The following PTPRD variants were observed in gnomAD, a reference collection of about 807,000 sequenced individuals.
The protein encoded by PTPRD is protein tyrosine phosphatase receptor type D.
PTPRD carries 34 observed loss-of-function variants against 214.5 expected under a neutral mutation model. The observed-to-expected ratio is 0.16, with a 90% CI of 0.12 to 0.21. The LOEUF (loss-of-function observed/expected upper bound fraction) is 0.21. Among genes scored for constraint, PTPRD ranks in the 10% least tolerant of loss-of-function variants. The pLI is 1.00. For missense variants in PTPRD, 2,545 were observed against 2,398.7 expected, an observed-to-expected ratio of 1.06 and a Z score of -1.27; for synonymous variants, 1,128 against 845.7, an observed-to-expected ratio of 1.33 and a Z score of -5.79.
chr9:8,433,542 A>G (rs1325617373), intron 35 of PTPRD, among the ~76,000 whole-genome samples: 1 of 152,218 alleles, frequency 6.6e-6, no homozygotes, highest in East Asian at 1.9e-4. Context: ...AAGGCAGAAG[A>G]CAGTGATATT....
chr9:8,922,723 C>G (rs71507666), intron 11 of PTPRD, among the ~76,000 whole-genome samples: 68 of 152,048 alleles, frequency 4.5e-4, no homozygotes, highest in Admixed American at 1.5e-3. Context: ...CTCAGCTCAC[C>G]GCAACATCCG....
intron 2 of PTPRD, among the ~76,000 whole-genome samples, chr9:10,589,250 T>C (rs1246569089): frequency 6.6e-6 from 1 of 152,034 alleles, no homozygotes; most frequent in Non-Finnish European, 1.5e-5. Flanking sequence ...GAAACCTTGT[T>C]ATCAAGAGCA....
intron 8 of PTPRD, among the ~76,000 whole-genome samples, chr9:9,542,844 C>T (rs2077919461): frequency 6.6e-6 from 1 of 151,626 alleles, no homozygotes; most frequent in African/African-American, 2.4e-5. Flanking sequence ...GGAACTCTTA[C>T]AAAATTCTAA....
intron 5 of PTPRD, among the ~76,000 whole-genome samples, chr9:9,878,258 T>C (rs2067503271): frequency 6.6e-6 from 1 of 152,162 alleles, no homozygotes; most frequent in African/African-American, 2.4e-5. Context: ...AATATATATG[T>C]CATGTACTAG....
At chr9:10,188,623 C>T (rs2099348558) in intron 3 of PTPRD, among the ~76,000 whole-genome samples, 1 of 150,712 alleles carries the variant, frequency 6.6e-6, no homozygotes, top group Admixed American at 6.6e-5. Context: ...CTAGGAATGG[C>T]AAGATATTTT....
chr9:8,491,773 T>C (rs2097156051), intron 27 of PTPRD, among the ~76,000 whole-genome samples: 1 of 152,012 alleles, frequency 6.6e-6, no homozygotes, highest in African/African-American at 2.4e-5. Flanking sequence ...GCAAATCTTA[T>C]GACATTTAGA....
At chr9:9,279,469 C>G (rs941757324) in intron 9 of PTPRD, among the ~76,000 whole-genome samples, 10 of 149,872 alleles carry the variant, frequency 6.7e-5, no homozygotes, top group African/African-American at 2.4e-4. Flanking sequence ...TCCTTCTTTT[C>G]CCTTTCTTAA....
At chr9:9,899,972 A>G (rs1160920280) in intron 5 of PTPRD, among the ~76,000 whole-genome samples, 2 of 152,080 alleles carry the variant, frequency 1.3e-5, no homozygotes, top group African/African-American at 4.8e-5. Context: ...TGAAAAAAGT[A>G]GAAGTAATAG....
At chr9:9,028,276 G>A (rs886919869) in intron 10 of PTPRD, among the ~76,000 whole-genome samples, 62 of 151,824 alleles carry the variant, frequency 4.1e-4, no homozygotes, top group East Asian at 3.7e-3. Context: ...TATGTCTTCC[G>A]TAATACTATT....
chr9:10,066,161 G>T (rs1160087214), intron 3 of PTPRD, among the ~76,000 whole-genome samples: 3 of 151,402 alleles, frequency 2.0e-5, no homozygotes, highest in African/African-American at 7.3e-5. Flanking sequence ...TTATTTTTAA[G>T]GCAACAATTT....
chr9:9,259,542 T>C (rs904858458), intron 9 of PTPRD, among the ~76,000 whole-genome samples: 1 of 151,894 alleles, frequency 6.6e-6, no homozygotes, highest in Non-Finnish European at 1.5e-5. Flanking sequence ...CTGAAATAGA[T>C]GATGCTTTAT....
intron 3 of PTPRD, among the ~76,000 whole-genome samples, chr9:10,086,731 T>A (rs1336258017): frequency 2.0e-5 from 3 of 151,792 alleles, no homozygotes; most frequent in African/African-American, 7.3e-5. Flanking sequence ...TATATCTTGT[T>A]TAAGATAAAT....
At chr9:8,523,820 C>T (rs180847939) in intron 18 of PTPRD, among the ~76,000 whole-genome samples, 8 of 152,156 alleles carry the variant, frequency 5.3e-5, no homozygotes, top group East Asian at 3.9e-4. Flanking sequence ...AAGGGACTTT[C>T]GAAGAATTTA....
At chr9:8,850,310 G>T (rs1436289975) in intron 11 of PTPRD, among the ~76,000 whole-genome samples, 1 of 152,072 alleles carries the variant, frequency 6.6e-6, no homozygotes, top group Non-Finnish European at 1.5e-5. Context: ...CATATGGCAG[G>T]AGACAGTACA....
intron 6 of PTPRD, among the ~76,000 whole-genome samples, chr9:9,764,456 A>C (rs934537042): frequency 6.6e-6 from 1 of 152,192 alleles, no homozygotes; most frequent in Admixed American, 6.5e-5. Flanking sequence ...TGCCCACCTA[A>C]AAAGATAAAG....
chr9:10,243,149 G>A (rs994892940), intron 3 of PTPRD, among the ~76,000 whole-genome samples: 2 of 151,902 alleles, frequency 1.3e-5, no homozygotes, highest in Admixed American at 1.3e-4. Flanking sequence ...ATTCACTCTT[G>A]AGGAGGGAGT....
intron 8 of PTPRD, among the ~76,000 whole-genome samples, chr9:9,519,100 A>T (rs1030569641): frequency 2.6e-5 from 4 of 152,038 alleles, no homozygotes; most frequent in African/African-American, 9.6e-5. Flanking sequence ...ACTTCTATAT[A>T]ACCCATAACT....
chr9:9,731,593 A>G (rs1267612170), intron 7 of PTPRD, among the ~76,000 whole-genome samples: 1 of 152,062 alleles, frequency 6.6e-6, no homozygotes, highest in Non-Finnish European at 1.5e-5. Context: ...ATATCTCCTA[A>G]TGCTATCCTT....
chr9:9,358,966 C>G (rs1453676964), intron 9 of PTPRD, among the ~76,000 whole-genome samples: 2 of 151,306 alleles, frequency 1.3e-5, no homozygotes, highest in African/African-American at 2.4e-5. Flanking sequence ...AAAACAATTT[C>G]AGGATAAAAA....
Sources: allele counts gnomAD v4.1 joint callset (sites outside exome capture counted in the v4.1 genomes callset), GRCh38; gene constraint gnomAD v4.1.1; transcripts MANE v1.5; gene names NCBI Gene and HGNC (gene_info 2026-07-23, HGNC 2026-07-21).